The following POP1 variants were observed in gnomAD, a reference collection of about 807,000 sequenced individuals.
POP1 encodes the protein POP1 ribonuclease P/MRP subunit.
POP1 carries 75 observed loss-of-function variants against 102.2 expected under a neutral mutation model. The observed-to-expected ratio is 0.73, with a 90% confidence interval of 0.61 to 0.89. The LOEUF (loss-of-function observed/expected upper bound fraction) is 0.89, where lower values mean the gene tolerates loss of function less well. POP1 is among the 40% of genes least tolerant of loss of function. The pLI is 0.00. For missense variants in POP1, 1,116 were observed against 1,267.4 expected (o/e 0.88, Z 1.81); for synonymous variants, 436 against 464.1 (o/e 0.94, Z 0.78).
At chr8:98,121,832 G>A (rs544664563) in intron 1 of POP1, among the ~76,000 whole-genome samples, 2 of 152,080 alleles carry the variant, frequency 1.3e-5, no homozygotes, top group South Asian at 4.2e-4. Flanking sequence ...ACAGGCGCCC[G>A]CCACCATGCC....
intron 1 of POP1, among the ~76,000 whole-genome samples, chr8:98,122,193 C>CT (rs1816049718): frequency 6.6e-6 from 1 of 151,894 alleles, no homozygotes; most frequent in African/African-American, 2.4e-5. Flanking sequence ...CAAGTTTGTA[C>CT]TTTTTTTGGC....
chr8:98,158,330 T>C lies in POP1; in HGVS notation c.*59T>C. The stretch of plus-strand genomic sequence containing the variant: ...TACGTTATTATTGTCTGCCAAGTTC[T>C]ACATGTGGAGAATCTGCTTCTGCTT... On this transcript the variant is annotated 3_prime_UTR_variant, in exon 16 of 16. Transcript: ENST00000401707. 1 of 1,568,890 alleles carries C rather than the reference T, an allele frequency of 6.4e-7. No homozygotes were observed. Among genetic ancestry groups the C allele is most frequent in the East Asian group, 2.2e-5 (1 of 44,736 alleles).
chr8:98,121,421 C>G (rs753949091), intron 1 of POP1, among the ~76,000 whole-genome samples: 4 of 151,546 alleles, frequency 2.6e-5, no homozygotes, highest in Non-Finnish European at 5.9e-5. Context: ...ATTTATTGGG[C>G]AGGGACCAGG....
intron 11 of POP1, among the ~76,000 whole-genome samples, chr8:98,142,949 G>A (rs1430265259): frequency 3.3e-5 from 5 of 152,186 alleles, no homozygotes; most frequent in African/African-American, 7.2e-5. Context: ...ACTTTAATCT[G>A]AAGGCTGTAA....
intron 14 of POP1, among the ~76,000 whole-genome samples, chr8:98,153,533 CTT>C (rs747984872): frequency 0.042 from 3,525 of 84,866 alleles, 36 homozygotes; most frequent in Middle Eastern, 0.1. Flanking sequence ...AGTTCTGACT[CTT>C]TTTTTTTTTT....
intron 4 of POP1, among the ~76,000 whole-genome samples, chr8:98,129,209 A>G (rs903936853): frequency 6.6e-5 from 10 of 152,322 alleles, no homozygotes; most frequent in Middle Eastern, 6.8e-3. Flanking sequence ...GGTTAAAAAA[A>G]AGCAATGTCA....
intron 9 of POP1, 94 bp downstream of exon 9, chr8:98,137,048 C>T: frequency 8.6e-7 from 1 of 1,156,966 alleles, no homozygotes; most frequent in South Asian, 1.3e-5. Context: ...CATTTTGGGC[C>T]ATGGCTTTTA....
At chr8:98,144,112 C>A (rs941860501) in intron 11 of POP1, among the ~76,000 whole-genome samples, 21 of 151,916 alleles carry the variant, frequency 1.4e-4, no homozygotes, top group African/African-American at 4.4e-4. Context: ...GCTGAGATCG[C>A]ACCACCACAC....
chr8:98,124,422 CATG>C (rs1386013114), intron 2 of POP1, among the ~76,000 whole-genome samples: 3 of 151,990 alleles, frequency 2.0e-5, no homozygotes, highest in African/African-American at 7.2e-5. Flanking sequence ...ATTAGCCAGA[CATG>C]GTGGTGTGTG....
Position 98,157,990 on chromosome 8 carries a change from G to T in POP1, c.2794G>T (p.Ala932Ser). ...AGGACGTGCCTCTTCTGATGGCCCGGCGGGGGAAGAGCCCGTGGCTGGGCA... is the reference window on the plus strand; with the variant it reads ...AGGACGTGCCTCTTCTGATGGCCCGTCGGGGGAAGAGCCCGTGGCTGGGCA... ...KPGRASSDGP[A>S]GEEPVAGQEA... The change falls in exon 16 of 16, where the codon GCG becomes TCG. Residue 932 changes from alanine to serine, a missense_variant. Ala to Ser is a moderately conservative substitution (Grantham distance 99, BLOSUM62 1). Transcript: ENST00000401707. 16 of 1,612,994 alleles carry T rather than the reference G, an allele frequency of 9.9e-6. No homozygotes were observed. The highest frequency in any genetic ancestry group is 1.4e-5 in the Non-Finnish European group (16 of 1,180,042).
chr8:98,139,607 G>C (rs1254173568), intron 9 of POP1, among the ~76,000 whole-genome samples: 1 of 152,112 alleles, frequency 6.6e-6, no homozygotes, highest in African/African-American at 2.4e-5. Flanking sequence ...TGTGACTGTG[G>C]TTCCATCTCC....
chr8:98,132,279 G>A (rs753097214), intron 5 of POP1, among the ~76,000 whole-genome samples: 2 of 152,166 alleles, frequency 1.3e-5, no homozygotes, highest in Non-Finnish European at 2.9e-5. Context: ...AGAGAGGTTA[G>A]GTAGTTTACC....
At position 98,139,094 on chromosome 8, in the gene POP1, G is replaced by C. The variant is rs573588194; in HGVS notation, c.1363-984G>C. 1.3e-4 allele frequency among the ~76,000 whole-genome samples: 20 copies of C among 152,084 alleles called. No homozygotes were observed. In the East Asian group the frequency reaches 3.5e-3, roughly 27 times the overall value. ...TCGAACTCCTGGCCTCAAGTGACCC[G>C]CCTGCCTCGGCCTACCAAAATGCTG... On this transcript the variant is annotated intron_variant, in intron 9 of 15. Coordinates refer to ENST00000401707, the MANE Select transcript of POP1 (RefSeq NM_001145860.2).
intron 5 of POP1, among the ~76,000 whole-genome samples, chr8:98,130,688 A>T (rs556967579): frequency 6.6e-6 from 1 of 152,234 alleles, no homozygotes; most frequent in Non-Finnish European, 1.5e-5. Context: ...CAGGTCGTGC[A>T]GGTCTTGTTG....
In POP1 at chr8:98,158,432, T is replaced by TC; in HGVS notation, c.*161_*162insC. 1 of 750,138 alleles carries TC rather than the reference T, an allele frequency of 1.3e-6. No individual in the cohort carries two copies. The highest frequency in any genetic ancestry group is 2.2e-6 in the Non-Finnish European group (1 of 454,656). The allele number at this position is 750,138 out of a possible 1,614,324, so 46.5% of individuals were successfully genotyped here. A position where few individuals can be genotyped will look rare whatever the true frequency, so the allele number is the denominator to read the frequency against. On this transcript the variant is annotated 3_prime_UTR_variant, in exon 16 of 16. Transcript: ENST00000401707. ...TGCAGATGATGAAATGTTTACATCA[T>TC]TCCAGTAATGTCATTGATTTTCATC...
At chr8:98,151,863 C>A (rs1324809466) in intron 14 of POP1, among the ~76,000 whole-genome samples, 1 of 151,918 alleles carries the variant, frequency 6.6e-6, no homozygotes, top group African/African-American at 2.4e-5. Flanking sequence ...CCACCTCAGC[C>A]TCCTGAGTAG....
chr8:98,147,665 TAATGGGGGCCTG>T (rs1809391884), intron 12 of POP1, among the ~76,000 whole-genome samples: 2 of 152,004 alleles, frequency 1.3e-5, no homozygotes, highest in Non-Finnish European at 2.9e-5. Flanking sequence ...AGGTATGACA[TAATGGGGGCCTG>T]AATTGTGGCA....
intron 6 of POP1, 116 bp from the exon 7 acceptor site, chr8:98,134,356 A>G (rs1366663840): frequency 1.0e-5 from 11 of 1,079,722 alleles, no homozygotes; most frequent in Non-Finnish European, 1.6e-5. Context: ...AGCAATCCTC[A>G]CAACCAAAAC....
chr8:98,146,639 C>A lies in POP1; in HGVS notation c.1666C>A (p.Gln556Lys), dbSNP rs377374198. 4.6e-5 allele frequency: 75 copies of A among 1,613,740 alleles called. No individual in the cohort carries two copies. The highest frequency in any genetic ancestry group is 5.9e-5 in the Non-Finnish European group (70 of 1,179,818). The change falls in exon 12 of 16, where the codon CAA (glutamine) becomes AAA (lysine). Residue 556 changes from glutamine (Q) to lysine (K), a missense_variant. By Grantham distance (53) the Gln-to-Lys change is moderately conservative (BLOSUM62 1). Coordinates refer to ENST00000401707, the MANE Select transcript of POP1 (RefSeq NM_001145860.2). ...ATGTACGCATAGCTTTATCTGGAAC[C>A]AAGATATCTGTAAGAGTGTCACAGA... ...VECTHSFIWN[Q>K]DICKSVTENK...
Sources: gnomAD v4.1 joint callset for allele counts (sites outside exome capture counted in the v4.1 genomes callset) on GRCh38, gnomAD v4.1.1 for gene constraint, MANE v1.5 for transcripts, NCBI Gene and HGNC (gene_info 2026-07-23, HGNC 2026-07-21) for gene names.